The following MBNL2 variants were observed in gnomAD, a reference collection of about 807,000 sequenced individuals.
MBNL2 encodes the protein muscleblind like splicing regulator 2.
In MBNL2, 17 loss-of-function variants were observed where a neutral mutation model predicts 41.9. The ratio of observed to expected loss-of-function variants is 0.41; its 90% CI spans 0.28 to 0.61. MBNL2 has a LOEUF of 0.61. Ranked by LOEUF, MBNL2 falls within the 20% of genes least tolerant of loss-of-function variation. The probability of loss-of-function intolerance (pLI) is 0.35; values close to 1 mark genes in which losing one functional copy is unlikely to be tolerated. For missense variants in MBNL2, 336 were observed against 505.6 expected (o/e 0.66, Z 3.22); for synonymous variants, 195 against 182.9 (o/e 1.07, Z -0.53).
At chr13:97,243,483 G>A (rs1471988422) in intron 1 of MBNL2, among the ~76,000 whole-genome samples, 1 of 152,134 alleles carries the variant, frequency 6.6e-6, no homozygotes, top group African/African-American at 2.4e-5. Context: ...GCTGGCTGGG[G>A]TAGTAGGGGT....
chr13:97,157,720 C>G, the MBNL2 span, among the ~76,000 whole-genome samples: 4 of 148,310 alleles, frequency 2.7e-5, no homozygotes, highest in East Asian at 7.9e-4. Flanking sequence ...TATATTGAAC[C>G]AGCCTTGCAT....
At chr13:97,161,811 A>G in the MBNL2 span, among the ~76,000 whole-genome samples, 1 of 152,214 alleles carries the variant, frequency 6.6e-6, no homozygotes, top group Admixed American at 6.5e-5. Flanking sequence ...TAGAACTGGT[A>G]CACACACTTG....
chr13:97,224,181 G>A (rs984532666), intron 1 of MBNL2, among the ~76,000 whole-genome samples: 29 of 152,142 alleles, frequency 1.9e-4, no homozygotes, highest in Admixed American at 1.3e-3. Context: ...GCAGCCCAGC[G>A]CTGCCACCTG....
chr13:97,196,085 T>C, the MBNL2 span, among the ~76,000 whole-genome samples: 1 of 152,208 alleles, frequency 6.6e-6, no homozygotes, highest in Non-Finnish European at 1.5e-5. Context: ...ATAAGAAATA[T>C]AATCTAATCT....
At chr13:97,227,053 CAAAAA>C (rs1201374167) in intron 1 of MBNL2, among the ~76,000 whole-genome samples, 25 of 88,344 alleles carry the variant, frequency 2.8e-4, no homozygotes, top group African/African-American at 1.1e-3. Flanking sequence ...AAAAAAAAAA[CAAAAA>C]AAAAATCAAA....
At chr13:97,198,265 G>A in the MBNL2 span, among the ~76,000 whole-genome samples, 4 of 151,876 alleles carry the variant, frequency 2.6e-5, no homozygotes, top group East Asian at 7.8e-4. Flanking sequence ...CTGCCTGATG[G>A]CCTTTGAACT....
intron 8 of MBNL2, among the ~76,000 whole-genome samples, chr13:97,389,458 T>C (rs1211239294): frequency 6.6e-6 from 1 of 152,154 alleles, no homozygotes; most frequent in Non-Finnish European, 1.5e-5. Flanking sequence ...AATCCAGCAC[T>C]TTGGGAGTCT....
intron 2 of MBNL2, among the ~76,000 whole-genome samples, chr13:97,322,147 G>A (rs1490906087): frequency 4.6e-5 from 7 of 152,256 alleles, no homozygotes; most frequent in South Asian, 2.1e-4. Context: ...GAGGCACACC[G>A]CTTCCACCCT....
upstream of MBNL2, among the ~76,000 whole-genome samples, chr13:97,218,436 A>AAAAC (rs762731020): frequency 9.2e-6 from 1 of 108,196 alleles, no homozygotes; most frequent in Admixed American, 8.7e-5. Context: ...AAAACAAAAC[A>AAAAC]AAACAAAAAA....
chr13:97,298,303 T>A (rs1385696920), intron 2 of MBNL2, among the ~76,000 whole-genome samples: 1 of 152,216 alleles, frequency 6.6e-6, no homozygotes, highest in Non-Finnish European at 1.5e-5. Flanking sequence ...AGGAAGGCAG[T>A]AACTATTTCT....
chr13:97,216,207 A>C, the MBNL2 span, among the ~76,000 whole-genome samples: 1 of 146,892 alleles, frequency 6.8e-6, no homozygotes, highest in African/African-American at 2.7e-5. Flanking sequence ...CTGCATTTTC[A>C]ACCAACATGT....
At chr13:97,318,154 A>T (rs1394865786) in intron 2 of MBNL2, among the ~76,000 whole-genome samples, 1 of 152,218 alleles carries the variant, frequency 6.6e-6, no homozygotes, top group African/African-American at 2.4e-5. Flanking sequence ...AATGGGCATA[A>T]AAATAAGACC....
At chr13:97,375,917 C>T (rs148611539) in intron 8 of MBNL2, among the ~76,000 whole-genome samples, 7 of 151,890 alleles carry the variant, frequency 4.6e-5, no homozygotes, top group Non-Finnish European at 7.4e-5. Flanking sequence ...CACCAGGGAG[C>T]GTGAAGAGGA....
At chr13:97,269,408 A>T (rs2050474291) in intron 1 of MBNL2, among the ~76,000 whole-genome samples, 1 of 152,148 alleles carries the variant, frequency 6.6e-6, no homozygotes, top group Non-Finnish European at 1.5e-5. Context: ...AAAATTGTGG[A>T]ACGTCTGGAG....
chr13:97,376,897 A>G (rs2065011707), intron 8 of MBNL2, among the ~76,000 whole-genome samples: 1 of 152,212 alleles, frequency 6.6e-6, no homozygotes, highest in South Asian at 2.1e-4. Flanking sequence ...GGCTTACCCA[A>G]TTCACACACA....
intron 8 of MBNL2, among the ~76,000 whole-genome samples, chr13:97,377,507 A>G (rs1018804368): frequency 1.3e-5 from 2 of 152,244 alleles, no homozygotes; most frequent in Non-Finnish European, 2.9e-5. Flanking sequence ...TTGAGGAATC[A>G]AAAAGATACT....
rs559067535 is a variant in MBNL2 at position 97,343,808 on chromosome 13, T to G, written c.540+592T>G. ...GATGAGTAAATTTAGTTTTTTGTTT[T>G]GTTTGGTTTGGTTTTGAGACGTAGT... On this transcript the variant is annotated intron_variant, in intron 4 of 8. Transcript: ENST00000679496. Among the ~76,000 whole-genome samples the G allele has an allele frequency of 6.9e-4, 105 of 152,380 alleles. 1 individual carries two copies. The South Asian group carries it at 0.01, about 15-fold the overall frequency.
chr13:97,326,340 A>G (rs2153048956), intron 2 of MBNL2, among the ~76,000 whole-genome samples: 1 of 152,316 alleles, frequency 6.6e-6, no homozygotes, highest in South Asian at 2.1e-4. Context: ...TCCTTATATC[A>G]TTCTAGGCAT....
chr13:97,377,089 C>T (rs926909170), intron 8 of MBNL2, among the ~76,000 whole-genome samples: 2 of 152,182 alleles, frequency 1.3e-5, no homozygotes, highest in African/African-American at 4.8e-5. Flanking sequence ...GAACCCACCA[C>T]GTGCCAGACA....
Sources: gnomAD v4.1 joint callset for allele counts (sites outside exome capture counted in the v4.1 genomes callset) on GRCh38, gnomAD v4.1.1 for gene constraint, MANE v1.5 for transcripts, NCBI Gene and HGNC (gene_info 2026-07-23, HGNC 2026-07-21) for gene names.